The following THSD7B variants were observed in gnomAD, a reference collection of about 807,000 sequenced individuals.
The protein encoded by THSD7B is thrombospondin type 1 domain containing 7B.
Under a neutral mutation model 213.6 loss-of-function variants are expected in THSD7B, and 138 were observed. The observed-to-expected ratio is 0.65, with a 90% CI of 0.56 to 0.74. The LOEUF (loss-of-function observed/expected upper bound fraction) is 0.74, where lower values mean the gene tolerates loss of function less well. THSD7B is among the 30% of genes least tolerant of loss of function. The probability of loss-of-function intolerance (pLI) is 0.00; values close to 1 mark genes in which losing one functional copy is unlikely to be tolerated. For synonymous variants in THSD7B, 742 were observed against 687.0 expected, an observed-to-expected ratio of 1.08 and a Z score of -1.25; for missense variants, 1,931 against 1,991.5, an observed-to-expected ratio of 0.97 and a Z score of 0.58.
intron 17 of THSD7B, among the ~76,000 whole-genome samples, chr2:137,590,509 G>A (rs1444062628): frequency 6.6e-6 from 1 of 152,088 alleles, no homozygotes; most frequent in Non-Finnish European, 1.5e-5. Flanking sequence ...GTCGCAATGA[G>A]TATTTGTGTA....
Position 136,998,909 on chromosome 2 carries a change from GACACACACACACAC to G in THSD7B, c.140-57474_140-57461del, listed in dbSNP as rs57138045. ...TTTCATGCTCCTTGAATACCCAACA[GACACACACACACAC>G]ACACACACACACACACACACACACA... On this transcript the variant is annotated intron_variant, in intron 2 of 27. Transcript: ENST00000409968. 8.5e-3 allele frequency among the ~76,000 whole-genome samples: 1,100 copies of G among 129,954 alleles called. 2 individuals carry two copies. Among genetic ancestry groups the G allele is most frequent in the Admixed American group, 0.027 (328 of 12,212 alleles). 85.3% of individuals were successfully genotyped at this position (129,954 alleles called of 152,430 possible). A position where few individuals can be genotyped will look rare whatever the true frequency, so the allele number is the denominator to read the frequency against.
At chr2:137,267,220 A>G (rs1682610320) in intron 10 of THSD7B, among the ~76,000 whole-genome samples, 1 of 152,228 alleles carries the variant, frequency 6.6e-6, no homozygotes, top group African/African-American at 2.4e-5. Flanking sequence ...CTGATGACTT[A>G]GTGATGATAA....
intron 7 of THSD7B, among the ~76,000 whole-genome samples, chr2:137,190,924 G>T (rs1267447828): frequency 1.3e-5 from 2 of 152,212 alleles, no homozygotes; most frequent in Admixed American, 6.5e-5. Flanking sequence ...ACTGCTGCGT[G>T]TCTCCTTGGG....
At chr2:136,768,405 AG>A (rs1375782356) in intron 1 of THSD7B, among the ~76,000 whole-genome samples, 1 of 152,204 alleles carries the variant, frequency 6.6e-6, no homozygotes, top group Non-Finnish European at 1.5e-5. Flanking sequence ...AAAGAAAAAA[AG>A]TCTTGCCAAA....
intron 2 of THSD7B, among the ~76,000 whole-genome samples, chr2:137,037,839 A>G (rs1160176805): frequency 6.6e-6 from 1 of 152,168 alleles, no homozygotes; most frequent in African/African-American, 2.4e-5. Context: ...GAAGACATTA[A>G]AAATAACTTT....
intron 5 of THSD7B, among the ~76,000 whole-genome samples, chr2:137,123,316 C>T (rs1035160810): frequency 2.6e-5 from 4 of 152,004 alleles, no homozygotes; most frequent in African/African-American, 9.7e-5. Flanking sequence ...TGAACCTTGA[C>T]CAATGAGAAA....
At chr2:137,110,076 C>T (rs1280806587) in intron 4 of THSD7B, among the ~76,000 whole-genome samples, 38 of 152,162 alleles carry the variant, frequency 2.5e-4, no homozygotes, top group Admixed American at 2.5e-3. Flanking sequence ...TTATTCAGGA[C>T]TCTGAGGATT....
chr2:137,029,919 G>C (rs1304611494), intron 2 of THSD7B, among the ~76,000 whole-genome samples: 2 of 152,078 alleles, frequency 1.3e-5, no homozygotes, highest in Non-Finnish European at 2.9e-5. Flanking sequence ...ACAATTATAG[G>C]AGCTAATAGG....
chr2:137,608,523 C>T (rs149300264), intron 17 of THSD7B, among the ~76,000 whole-genome samples: 13 of 152,234 alleles, frequency 8.5e-5, no homozygotes, highest in Non-Finnish European at 1.8e-4. Context: ...TCTTTAATTT[C>T]ATTATCTGTA....
chr2:137,149,156 T>A (rs1679764112), intron 5 of THSD7B, among the ~76,000 whole-genome samples: 1 of 152,148 alleles, frequency 6.6e-6, no homozygotes, highest in South Asian at 2.1e-4. Context: ...CTTCAGAGGG[T>A]GGAAGCTCCA....
intron 15 of THSD7B, among the ~76,000 whole-genome samples, chr2:137,553,968 T>A (rs959366046): frequency 1.3e-5 from 2 of 152,090 alleles, no homozygotes; most frequent in Non-Finnish European, 2.9e-5. Context: ...ATAAGATTCC[T>A]TGCCTGTTGG....
intron 2 of THSD7B, among the ~76,000 whole-genome samples, chr2:136,950,787 T>C (rs1282018069): frequency 6.6e-6 from 1 of 152,320 alleles, no homozygotes; most frequent in East Asian, 1.9e-4. Flanking sequence ...ATCCCATCAA[T>C]AATTTTTACA....
chr2:136,970,573 C>T (rs1445678584), intron 2 of THSD7B, among the ~76,000 whole-genome samples: 1 of 151,772 alleles, frequency 6.6e-6, no homozygotes, highest in Non-Finnish European at 1.5e-5. Context: ...TTTGAGAAGT[C>T]CAAAATTTGA....
intron 7 of THSD7B, among the ~76,000 whole-genome samples, chr2:137,218,470 A>T (rs1426233091): frequency 6.6e-6 from 1 of 152,102 alleles, no homozygotes; most frequent in Non-Finnish European, 1.5e-5. Flanking sequence ...GGCTAGAAAC[A>T]TGGCAGTGCC....
intron 15 of THSD7B, among the ~76,000 whole-genome samples, chr2:137,526,452 C>T (rs1160560381): frequency 6.6e-6 from 1 of 152,068 alleles, no homozygotes; most frequent in South Asian, 2.1e-4. Context: ...GAGAGAATCT[C>T]GCTCTGTCAC....
intron 12 of THSD7B, among the ~76,000 whole-genome samples, chr2:137,290,828 C>T (rs932479050): frequency 1.3e-5 from 2 of 152,088 alleles, no homozygotes; most frequent in Admixed American, 6.6e-5. Context: ...CTTGGAATCC[C>T]GTCTGTTCCA....
chr2:137,158,440 T>C (rs1679950183), intron 5 of THSD7B, among the ~76,000 whole-genome samples: 1 of 152,222 alleles, frequency 6.6e-6, no homozygotes, highest in Admixed American at 6.5e-5. Flanking sequence ...CCCCTCCACA[T>C]GGCTTGCAAA....
intron 10 of THSD7B, among the ~76,000 whole-genome samples, chr2:137,244,733 A>G (rs1190777758): frequency 1.3e-5 from 2 of 152,178 alleles, no homozygotes; most frequent in Non-Finnish European, 2.9e-5. Flanking sequence ...AGGGACCTAC[A>G]GAGGCAAAGA....
chr2:137,077,618 G>A (rs1206676633), intron 3 of THSD7B, among the ~76,000 whole-genome samples: 1 of 152,148 alleles, frequency 6.6e-6, no homozygotes, highest in African/African-American at 2.4e-5. Context: ...CTGCATAAAT[G>A]TCTTCTTTTG....
Sources: allele counts gnomAD v4.1 joint callset (sites outside exome capture counted in the v4.1 genomes callset), GRCh38; gene constraint gnomAD v4.1.1; transcripts MANE v1.5; gene names NCBI Gene and HGNC (gene_info 2026-07-23, HGNC 2026-07-21).